NPR3: variants seen among roughly 807,000 people sequenced by gnomAD.
NPR3 encodes atrial natriuretic peptide receptor 3.
A neutral mutation model predicts 54.5 loss-of-function variants in NPR3; 34 were observed. The observed-to-expected ratio is 0.62, with a 90% CI of 0.47 to 0.83. NPR3 has a LOEUF of 0.83. Ranked by LOEUF, NPR3 falls within the 40% of genes least tolerant of loss-of-function variation. The pLI is 0.00. For missense variants in NPR3, 674 were observed against 720.8 expected, an observed-to-expected ratio of 0.94 and a Z score of 0.74; for synonymous variants, 289 against 297.1, an observed-to-expected ratio of 0.97 and a Z score of 0.28.
chr5:32,768,573 TG>T (rs1412727606), intron 3 of NPR3, among the ~76,000 whole-genome samples: 2 of 152,162 alleles, frequency 1.3e-5, no homozygotes, highest in Non-Finnish European at 2.9e-5. Flanking sequence ...CTGGATTCCG[TG>T]TGCCAGCTGT....
chr5:32,725,479 C>G (rs886753696), intron 2 of NPR3, among the ~76,000 whole-genome samples: 3 of 152,138 alleles, frequency 2.0e-5, no homozygotes, highest in Non-Finnish European at 4.4e-5. Flanking sequence ...TGGGTATGAG[C>G]GTAGCCCACT....
Position 32,790,760 on chromosome 5 carries a change from G to T in NPR3, c.*4415G>T, listed in dbSNP as rs1376129526. The stretch of plus-strand genomic sequence containing the variant: ...TTCTAAACCAGCTGATGCTGTCAGT[G>T]TTCAAGTTTTAAGTGACTTCAAACA... On this transcript the variant is annotated 3_prime_UTR_variant, in exon 8 of 8. Transcript: ENST00000265074. 6.0e-6 allele frequency: 1 copy of T among 166,986 alleles called. No homozygotes were observed. Among genetic ancestry groups the T allele is most frequent in the African/African-American group, 2.4e-5 (1 of 41,426 alleles). The allele number at this position is 166,986 out of a possible 1,614,324, so 10.3% of individuals were successfully genotyped here.
chr5:32,778,705 G>T (rs1742192680), intron 4 of NPR3, among the ~76,000 whole-genome samples: 1 of 152,166 alleles, frequency 6.6e-6, no homozygotes, highest in Non-Finnish European at 1.5e-5. Flanking sequence ...CCTTATGTAC[G>T]ATACTCTCAG....
intron 1 of NPR3, among the ~76,000 whole-genome samples, chr5:32,713,983 C>T (rs548374404): frequency 1.4e-3 from 220 of 152,352 alleles, no homozygotes; most frequent in Middle Eastern, 3.4e-3. Flanking sequence ...CGGCTGCGGA[C>T]TTGCCACGCC....
chr5:32,704,651 C>T (rs190056706), upstream of NPR3, among the ~76,000 whole-genome samples: 324 of 152,236 alleles, frequency 2.1e-3, 1 homozygote, highest in African/African-American at 7.6e-3. Flanking sequence ...AATGGAAATA[C>T]AATTTGGTGT....
chr5:32,779,209 TGAG>T (rs1362055066), intron 4 of NPR3, among the ~76,000 whole-genome samples: 1 of 152,162 alleles, frequency 6.6e-6, no homozygotes, highest in Admixed American at 6.5e-5. Flanking sequence ...TCATTTTACT[TGAG>T]GAGTCAGTAC....
chr5:32,701,881 GTC>G (rs1162336636), intron 1 of NPR3, among the ~76,000 whole-genome samples: 2 of 152,170 alleles, frequency 1.3e-5, no homozygotes. Flanking sequence ...AACAAACGGA[GTC>G]TCTCTCTCTG....
At chr5:32,758,152 G>A (rs1213139481) in intron 3 of NPR3, among the ~76,000 whole-genome samples, 1 of 152,098 alleles carries the variant, frequency 6.6e-6, no homozygotes, top group Non-Finnish European at 1.5e-5. Context: ...TTTTTCTATT[G>A]ATTGGAATAG....
chr5:32,716,278 G>A lies in NPR3; in HGVS notation c.769+3733G>A, dbSNP rs541240144. The A allele has an allele frequency of 1.1e-5, 4 of 358,326 alleles. No homozygotes were observed. The East Asian group carries it at 3.2e-4, about 29-fold the overall frequency. The allele number at this position is 358,326 out of a possible 1,614,324, so 22.2% of individuals were successfully genotyped here. On this transcript the variant is annotated intron_variant, in intron 1 of 7. Transcript: ENST00000265074. Reference sequence around the variant, plus strand: ...ACACAAGGTTTATGAGGAGAAAAAGGTTCCTGTCTCCTACTCTCCATTTTT... The same window carrying A: ...ACACAAGGTTTATGAGGAGAAAAAGATTCCTGTCTCCTACTCTCCATTTTT...
intron 4 of NPR3, among the ~76,000 whole-genome samples, 185 bp from the exon 5 acceptor site, chr5:32,780,537 G>T (rs1392518475): frequency 6.6e-6 from 1 of 151,998 alleles, no homozygotes; most frequent in Non-Finnish European, 1.5e-5. Context: ...AAGAATTTAG[G>T]AATGCAGACG....
intron 2 of NPR3, among the ~76,000 whole-genome samples, chr5:32,731,396 G>T (rs1248633947): frequency 2.0e-5 from 3 of 152,184 alleles, no homozygotes; most frequent in South Asian, 4.1e-4. Context: ...AGAGGTAAGG[G>T]TTAAGAGATG....
chr5:32,736,489 C>T (rs527427080), intron 2 of NPR3, among the ~76,000 whole-genome samples: 2 of 152,284 alleles, frequency 1.3e-5, no homozygotes, highest in East Asian at 3.9e-4. Flanking sequence ...GAAACTCACA[C>T]CCTCTTTGCC....
intron 1 of NPR3, chr5:32,713,382 C>T (rs1447637014): frequency 1.0e-6 from 1 of 985,326 alleles, no homozygotes; most frequent in Non-Finnish European, 1.2e-6. Flanking sequence ...GTGGCTATGG[C>T]TTCGGGGAGC....
rs1742849195 is a variant in NPR3 at position 32,790,399 on chromosome 5, C to T, written c.*4054C>T. On this transcript the variant is annotated 3_prime_UTR_variant, in exon 8 of 8. Transcript: ENST00000265074. Reference sequence around the variant, plus strand: ...CATCACTCCAAGGATGTGTCAGCATCTTGCCCATGCAGGTAGAAATTTGTG... The same window carrying T: ...CATCACTCCAAGGATGTGTCAGCATTTTGCCCATGCAGGTAGAAATTTGTG... The T allele has an allele frequency of 6.0e-6, 1 of 167,408 alleles. No homozygotes were observed. Among genetic ancestry groups the T allele is most frequent in the South Asian group, 2.1e-4 (1 of 4,828 alleles). The allele number at this position is 167,408 out of a possible 1,614,324, so 10.4% of individuals were successfully genotyped here. A position where few individuals can be genotyped will look rare whatever the true frequency, so the allele number is the denominator to read the frequency against.
intron 4 of NPR3, among the ~76,000 whole-genome samples, chr5:32,775,600 GCTTT>G (rs1742003944): frequency 6.6e-6 from 1 of 151,526 alleles, no homozygotes; most frequent in Non-Finnish European, 1.5e-5. Context: ...GTTAGTTTTT[GCTTT>G]CTTTTTTTTT....
chr5:32,724,796 G>A lies in NPR3; in HGVS notation c.868G>A (p.Glu290Lys). The part of the protein sequence containing the change: ...TSGDYAFFNI[E>K]LFNSSSYGDG... Reference sequence around the variant, plus strand: ...TGGAGACTACGCCTTCTTCAACATTGAGCTCTTCAACAGCTCTTCCTATGG... The same window carrying A: ...TGGAGACTACGCCTTCTTCAACATTAAGCTCTTCAACAGCTCTTCCTATGG... The change falls in exon 2 of 8, where the codon GAG (glutamate) becomes AAG (lysine). Residue 290 changes from glutamate to lysine, a missense_variant. Coordinates refer to ENST00000265074, the MANE Select transcript of NPR3 (RefSeq NM_001204375.2). The A allele has an allele frequency of 6.2e-7, 1 of 1,613,872 alleles. No homozygotes were observed. Among genetic ancestry groups the A allele is most frequent in the Non-Finnish European group, 8.5e-7 (1 of 1,179,860 alleles).
At chr5:32,776,038 C>G (rs1418280032) in intron 4 of NPR3, among the ~76,000 whole-genome samples, 2 of 152,144 alleles carry the variant, frequency 1.3e-5, no homozygotes, top group African/African-American at 4.8e-5. Flanking sequence ...CAACCTAGTC[C>G]CCTCTCCCCA....
rs143935466 is a variant in NPR3 at position 32,694,585 on chromosome 5, A to G, written c.100+5399A>G. The stretch of plus-strand genomic sequence containing the variant: ...TAATTTTTGTAGGTACAGAGTAGGT[A>G]TATATGTTTATGGGGTATGTGAAAT... On this transcript the variant is annotated intron_variant, in intron 1 of 5. Coordinates refer to the NPR3 transcript ENST00000509104. Among the ~76,000 whole-genome samples the G allele has an allele frequency of 5.3e-3, 802 of 152,328 alleles. 9 individuals are homozygous for G. Among genetic ancestry groups the G allele is most frequent in the South Asian group, 0.031 (152 of 4,828 alleles).
chr5:32,742,647 G>T (rs1248882376), intron 3 of NPR3, among the ~76,000 whole-genome samples: 1 of 152,162 alleles, frequency 6.6e-6, no homozygotes, highest in Admixed American at 6.5e-5. Flanking sequence ...TAACTTTAAT[G>T]TAAAGAGCAT....
Sources: gnomAD v4.1 joint callset for allele counts (sites outside exome capture counted in the v4.1 genomes callset) on GRCh38, gnomAD v4.1.1 for gene constraint, MANE v1.5 for transcripts, NCBI Gene and HGNC (gene_info 2026-07-23, HGNC 2026-07-21) for gene names.